SPAG16: variants seen among roughly 807,000 people sequenced by gnomAD.
The protein encoded by SPAG16 is sperm associated antigen 16, also known as sperm-associated antigen 16 protein.
A neutral mutation model predicts 80.4 loss-of-function variants in SPAG16; 86 were observed. The ratio of observed to expected loss-of-function variants is 1.07; its 90% CI spans 0.90 to 1.28. The LOEUF is 1.28. Among genes scored for constraint, SPAG16 ranks in the 50% most tolerant of loss-of-function variants. The pLI is 0.00. For missense variants in SPAG16, 870 were observed against 765.3 expected, an observed-to-expected ratio of 1.14 and a Z score of -1.61; for synonymous variants, 294 against 265.9, an observed-to-expected ratio of 1.11 and a Z score of -1.03.
intron 10 of SPAG16, among the ~76,000 whole-genome samples, chr2:213,856,218 A>G (rs538606806): frequency 5.9e-5 from 9 of 152,206 alleles, no homozygotes; most frequent in African/African-American, 2.2e-4. Context: ...AAATTCCAAA[A>G]TGTTCTCTTT....
At chr2:213,294,152 AT>A (rs748222947) in intron 1 of SPAG16, among the ~76,000 whole-genome samples, 2 of 152,138 alleles carry the variant, frequency 1.3e-5, no homozygotes, top group Non-Finnish European at 2.9e-5. Flanking sequence ...TTTTTTTTAG[AT>A]TCCACATATA....
At chr2:213,394,461 A>C (rs146004322) in intron 9 of SPAG16, among the ~76,000 whole-genome samples, 2,738 of 152,192 alleles carry the variant, frequency 0.018, 73 homozygotes, top group African/African-American at 0.051. Flanking sequence ...GTTTCCCCTA[A>C]CGGTTACATC....
chr2:214,014,443 C>G (rs1009429508), intron 13 of SPAG16, among the ~76,000 whole-genome samples: 1 of 151,996 alleles, frequency 6.6e-6, no homozygotes, highest in African/African-American at 2.4e-5. Flanking sequence ...ATGAGACATG[C>G]GTTAATAAAA....
At chr2:213,453,970 C>T (rs73986874) in intron 9 of SPAG16, among the ~76,000 whole-genome samples, 11,282 of 152,134 alleles carry the variant, frequency 0.074, 1,380 homozygotes, top group African/African-American at 0.25. Context: ...TCCATCTATT[C>T]CTCTTTTCTT....
intron 10 of SPAG16, among the ~76,000 whole-genome samples, chr2:213,598,050 C>T (rs2060941843): frequency 6.6e-6 from 1 of 152,156 alleles, no homozygotes; most frequent in Non-Finnish European, 1.5e-5. Context: ...AGCCAGGCTT[C>T]CTCTCTCTTC....
At chr2:213,802,730 T>C (rs1438777593) in intron 10 of SPAG16, among the ~76,000 whole-genome samples, 2 of 152,138 alleles carry the variant, frequency 1.3e-5, no homozygotes, top group African/African-American at 2.4e-5. Flanking sequence ...ATATATAAAC[T>C]GTGATTACTC....
At chr2:214,194,329 G>T (rs941305408) in intron 15 of SPAG16, among the ~76,000 whole-genome samples, 1 of 152,036 alleles carries the variant, frequency 6.6e-6, no homozygotes, top group Non-Finnish European at 1.5e-5. Flanking sequence ...ATACACATAT[G>T]TGTACTCATA....
intron 14 of SPAG16, among the ~76,000 whole-genome samples, chr2:214,120,639 A>G (rs1050194603): frequency 4.6e-5 from 7 of 151,768 alleles, no homozygotes; most frequent in African/African-American, 1.7e-4. Context: ...TGTCACTTAA[A>G]ATGTTCTCCT....
chr2:213,906,452 T>C (rs2106147466), intron 11 of SPAG16, among the ~76,000 whole-genome samples: 1 of 152,248 alleles, frequency 6.6e-6, no homozygotes, highest in Middle Eastern at 3.4e-3. Flanking sequence ...CAAAGTGACC[T>C]ACAGATTTAA....
intron 11 of SPAG16, among the ~76,000 whole-genome samples, chr2:213,874,647 C>T (rs1367711112): frequency 6.6e-6 from 1 of 152,152 alleles, no homozygotes; most frequent in African/African-American, 2.4e-5. Context: ...TGAAGGTTAT[C>T]ATGTCACTAG....
chr2:213,462,397 T>C (rs1361966064), intron 9 of SPAG16, among the ~76,000 whole-genome samples: 1 of 152,246 alleles, frequency 6.6e-6, no homozygotes, highest in Non-Finnish European at 1.5e-5. Flanking sequence ...ATTGTAAGCC[T>C]TTTTGAGGTG....
At chr2:214,226,763 A>G (rs1189810338) in intron 15 of SPAG16, among the ~76,000 whole-genome samples, 1 of 152,046 alleles carries the variant, frequency 6.6e-6, no homozygotes, top group Non-Finnish European at 1.5e-5. Flanking sequence ...AAATTCAAGA[A>G]CTATTCAGTT....
chr2:213,708,894 C>T (rs1292433052), intron 10 of SPAG16, among the ~76,000 whole-genome samples: 1 of 152,116 alleles, frequency 6.6e-6, no homozygotes, highest in Non-Finnish European at 1.5e-5. Context: ...TACTGGTTTA[C>T]AACTGGGAAA....
intron 10 of SPAG16, among the ~76,000 whole-genome samples, chr2:213,778,232 G>A (rs1203097639): frequency 6.6e-6 from 1 of 151,298 alleles, no homozygotes; most frequent in South Asian, 2.1e-4. Flanking sequence ...TCTTTAATTA[G>A]TCTATCTGAA....
rs972594424 is a variant in SPAG16, at chr2:213,930,074, A to G, written c.1329A>G (p.Thr443=). The change falls in exon 12 of 16, where the codon ACA becomes ACG. Residue 443 remains threonine, a synonymous_variant. Transcript: ENST00000331683. ...ACAGCCGCGCAGTGTGGTCCTGCAC[A>G]TGGCACTCCTGCGGCAATTTTGTGG... The part of the protein sequence containing the change: ...EGHSRAVWSC[T]WHSCGNFVAS... 6 of 1,614,078 alleles carry G rather than the reference A, an allele frequency of 3.7e-6. No homozygotes were observed. The highest frequency in any genetic ancestry group is 1.1e-5 in the South Asian group (1 of 91,056).
At chr2:213,489,496 AG>A (rs1402534645) in intron 9 of SPAG16, among the ~76,000 whole-genome samples, 11 of 152,082 alleles carry the variant, frequency 7.2e-5, no homozygotes, top group South Asian at 2.1e-4. Context: ...AGATTTAAAA[AG>A]AAAATCATAA....
At chr2:213,292,848 A>G (rs2062348860) in intron 1 of SPAG16, among the ~76,000 whole-genome samples, 2 of 152,094 alleles carry the variant, frequency 1.3e-5, no homozygotes, top group Admixed American at 1.3e-4. Flanking sequence ...GAGAAAAGAA[A>G]TGACAACAAA....
At chr2:213,596,027 A>G (rs979554104) in intron 10 of SPAG16, among the ~76,000 whole-genome samples, 1 of 152,090 alleles carries the variant, frequency 6.6e-6, no homozygotes, top group African/African-American at 2.4e-5. Context: ...TTGCTATTCA[A>G]GGCCAAATCA....
At chr2:214,356,890 T>C (rs1274447248) in intron 15 of SPAG16, among the ~76,000 whole-genome samples, 1 of 152,002 alleles carries the variant, frequency 6.6e-6, no homozygotes, top group Non-Finnish European at 1.5e-5. Flanking sequence ...CATACCTTTC[T>C]TTTGTGGTCA....
Sources: gnomAD v4.1 joint callset for allele counts (sites outside exome capture counted in the v4.1 genomes callset) on GRCh38, gnomAD v4.1.1 for gene constraint, MANE v1.5 for transcripts, NCBI Gene and HGNC (gene_info 2026-07-23, HGNC 2026-07-21) for gene names.